THRAP3: variants seen among roughly 807,000 people sequenced by gnomAD.
THRAP3 encodes thyroid hormone receptor-associated protein 3.
Under a neutral mutation model 101.0 loss-of-function variants are expected in THRAP3, and 16 were observed. The ratio of observed to expected loss-of-function variants is 0.16; its 90% CI spans 0.11 to 0.24. THRAP3 has a LOEUF of 0.24. Among genes scored for constraint, THRAP3 ranks in the 10% least tolerant of loss-of-function variants. The pLI, the probability that THRAP3 is intolerant of heterozygous loss-of-function variation, is 1.00. For missense variants in THRAP3, 989 were observed against 1,202.7 expected (o/e 0.82, Z 2.63); for synonymous variants, 407 against 422.6 (o/e 0.96, Z 0.45).
chr1:36,252,548 A>G (rs2124458938), intron 1 of THRAP3, among the ~76,000 whole-genome samples: 2 of 152,274 alleles, frequency 1.3e-5, no homozygotes, highest in Middle Eastern at 6.8e-3. Flanking sequence ...GGCAAAGTTG[A>G]GGCTACTCTG....
In THRAP3 at chr1:36,256,691, C is replaced by T. The variant is rs1251608131; in HGVS notation, c.-134-2691C>T. ...AACACTCCAGTGGCTGCCCTCATTA[C>T]CCAGAGGAAAACCAAAGTCCTTACT... On this transcript the variant is annotated intron_variant, in intron 1 of 11. Transcript: ENST00000354618. Among the ~76,000 whole-genome samples, 4 of 152,344 alleles carry T rather than the reference C, an allele frequency of 2.6e-5. No homozygotes were observed. The South Asian group carries it at 6.2e-4, about 24-fold the overall frequency.
the THRAP3 span, among the ~76,000 whole-genome samples, chr1:36,218,054 C>T: frequency 1.3e-5 from 2 of 152,062 alleles, no homozygotes; most frequent in Non-Finnish European, 2.9e-5. Flanking sequence ...AAGTTGTGAA[C>T]GCAGAGAAAA....
Position 36,286,398 on chromosome 1 carries a change from A to G in THRAP3, c.168A>G (p.Pro56=), listed in dbSNP as rs751422650. 2 of 1,604,746 alleles carry G rather than the reference A, an allele frequency of 1.2e-6. No homozygotes were observed. The highest frequency in any genetic ancestry group is 1.1e-5 in the South Asian group (1 of 89,588). ...SSRSRSRSYS[P]AHNRERNHPR... ...GGTCTCGTTCCAGATCATATTCTCC[A>G]GCTCATAACAGAGAAAGAAACCACC... The change falls in exon 4 of 12, where the codon CCA becomes CCG. Residue 56 remains proline, a synonymous_variant. Coordinates refer to ENST00000354618, the MANE Select transcript of THRAP3 (RefSeq NM_005119.4). This position sits in a 1 kb window ranked among gnomAD's most constrained non-coding sequence, Gnocchi z 5.5.
rs532301363 is a variant in THRAP3, at chr1:36,270,571, G to GTTTTTTTTTT, written c.-32+11092_-32+11093insTTTTTTTTTT. Among the ~76,000 whole-genome samples the GTTTTTTTTTT allele has an allele frequency of 1.1e-3, 34 of 31,900 alleles. 3 individuals are homozygous for GTTTTTTTTTT. The highest frequency in any genetic ancestry group is 2.1e-3 in the East Asian group (1 of 482). The allele number at this position is 31,900 out of a possible 152,430, so 20.9% of individuals were successfully genotyped here. A position where few individuals can be genotyped will look rare whatever the true frequency, so the allele number is the denominator to read the frequency against. Reference sequence around the variant, plus strand: ...TAAAAATACAGTTCTATTTGTTTAGGTTTTTGTTTTTTTTTTTTTTTTTGA... The same window carrying GTTTTTTTTTT: ...TAAAAATACAGTTCTATTTGTTTAGGTTTTTTTTTTTTTTTGTTTTTTTTTTTTTTTTTGA... On this transcript the variant is annotated intron_variant, in intron 2 of 11. Coordinates refer to ENST00000354618, the MANE Select transcript of THRAP3 (RefSeq NM_005119.4).
At chr1:36,250,477 T>C (rs1222806787) in intron 1 of THRAP3, among the ~76,000 whole-genome samples, 1 of 151,876 alleles carries the variant, frequency 6.6e-6, no homozygotes, top group Non-Finnish European at 1.5e-5. Context: ...CTCCCAAAGT[T>C]CTGGGATTAC....
At chr1:36,213,440 T>C in the THRAP3 span, among the ~76,000 whole-genome samples, 3 of 152,124 alleles carry the variant, frequency 2.0e-5, no homozygotes. Flanking sequence ...ATTCAGTAGA[T>C]GTTCTGGGGG....
At chr1:36,266,135 A>G (rs991337609) in intron 2 of THRAP3, among the ~76,000 whole-genome samples, 11 of 147,358 alleles carry the variant, frequency 7.5e-5, no homozygotes, top group African/African-American at 1.5e-4. Context: ...GCCTTGGTAC[A>G]GAGTAAGACT....
intron 1 of THRAP3, among the ~76,000 whole-genome samples, chr1:36,229,350 C>T (rs1644998221): frequency 6.6e-6 from 1 of 151,176 alleles, no homozygotes; most frequent in South Asian, 2.1e-4. Flanking sequence ...CCCGCCTCAG[C>T]CTCCCAAAGT....
upstream of THRAP3, among the ~76,000 whole-genome samples, chr1:36,221,946 A>G (rs983278883): frequency 1.3e-5 from 2 of 151,636 alleles, no homozygotes; most frequent in Non-Finnish European, 2.9e-5. Flanking sequence ...AATAGCTGGG[A>G]TTACAGGTGC....
chr1:36,288,509 C>CGA, intron 4 of THRAP3: 1 of 985,442 alleles, frequency 1.0e-6, no homozygotes, highest in Non-Finnish European at 1.2e-6. Context: ...GTCACCCTCT[C>CGA]CCCCATTAAC....
In THRAP3 at chr1:36,291,417, C is replaced by T. The variant is rs995283055; in HGVS notation, c.1789C>T (p.Leu597=). The T allele has an allele frequency of 3.0e-5, 49 of 1,614,064 alleles. No individual in the cohort carries two copies. Among genetic ancestry groups the T allele is most frequent in the Non-Finnish European group, 4.1e-5 (48 of 1,180,032 alleles). Residue 597 remains leucine (L), a synonymous_variant, in exon 6 of 12, where the codon CTA becomes TTA. Transcript: ENST00000354618. ...LAQERKLCRD[L]VHSNKKEQEF... ...TCAGGAACGCAAGCTTTGCCGAGAT[C>T]TAGTCCATAGCAACAAAAAGGAACA...
At chr1:36,299,524 A>C (rs1208987284) in intron 9 of THRAP3, among the ~76,000 whole-genome samples, 3 of 150,668 alleles carry the variant, frequency 2.0e-5, no homozygotes, top group Non-Finnish European at 4.4e-5. Context: ...TTTTTGAGGT[A>C]GAGTCTCGCT....
At chr1:36,295,954 C>CTTTTTTTTTTTTTTTTT (rs575028397) in intron 8 of THRAP3, among the ~76,000 whole-genome samples, 2 of 60,498 alleles carry the variant, frequency 3.3e-5, no homozygotes, top group African/African-American at 7.3e-5. Flanking sequence ...GCCTTCTCAA[C>CTTTTTTTTTTTTTTTTT]TTTTTTTTTT....
chr1:36,219,312 T>C, the THRAP3 span, among the ~76,000 whole-genome samples: 2 of 152,206 alleles, frequency 1.3e-5, no homozygotes, highest in South Asian at 4.1e-4. Flanking sequence ...CACCGTTACA[T>C]AAAAGTACTA....
chr1:36,297,852 G>A (rs1398506994), intron 9 of THRAP3, among the ~76,000 whole-genome samples: 2 of 151,286 alleles, frequency 1.3e-5, no homozygotes, highest in Non-Finnish European at 2.9e-5. Flanking sequence ...TGTGCCTTAC[G>A]ATCACAAGTA....
At chr1:36,300,618 A>G (rs1646020031) in intron 9 of THRAP3, among the ~76,000 whole-genome samples, 1 of 152,174 alleles carries the variant, frequency 6.6e-6, no homozygotes, top group African/African-American at 2.4e-5. Context: ...CCTGGAGGCC[A>G]TGGACTGTGT....
At chr1:36,242,628 A>G (rs757606858) in intron 1 of THRAP3, among the ~76,000 whole-genome samples, 14 of 151,236 alleles carry the variant, frequency 9.3e-5, no homozygotes, top group Non-Finnish European at 1.6e-4. Context: ...AATTTTTTGT[A>G]TTTTTAGTAG....
chr1:36,295,107 C>G (rs1268021102), intron 8 of THRAP3, among the ~76,000 whole-genome samples: 1 of 151,866 alleles, frequency 6.6e-6, no homozygotes, highest in Non-Finnish European at 1.5e-5. Flanking sequence ...CCTGTAATCC[C>G]AGCTACCTGG....
intron 5 of THRAP3, among the ~76,000 whole-genome samples, chr1:36,290,983 G>T (rs904531728): frequency 1.3e-5 from 2 of 152,042 alleles, no homozygotes; most frequent in Admixed American, 6.6e-5. Context: ...TCTTTTTATT[G>T]ATTGATTGAT....
Sources: gnomAD v4.1 joint callset for allele counts (sites outside exome capture counted in the v4.1 genomes callset) on GRCh38, gnomAD v4.1.1 for gene constraint, Gnocchi (gnomAD v3.1) non-coding constraint, MANE v1.5 for transcripts, NCBI Gene and HGNC (gene_info 2026-07-23, HGNC 2026-07-21) for gene names.